SCN9A: variants seen among roughly 807,000 people sequenced by gnomAD.
SCN9A encodes the protein sodium voltage-gated channel alpha subunit 9.
SCN9A carries 131 observed loss-of-function variants against 187.0 expected under a neutral mutation model. That is an observed-to-expected ratio of 0.70 (90% CI 0.61 to 0.81). The LOEUF (loss-of-function observed/expected upper bound fraction) is 0.81, where lower values mean the gene tolerates loss of function less well. Ranked by LOEUF, SCN9A falls within the 30% of genes least tolerant of loss-of-function variation. SCN9A has a pLI of 0.00. For synonymous variants in SCN9A, 809 were observed against 808.6 expected (o/e 1.00, Z -0.01); for missense variants, 2,252 against 2,396.6 (o/e 0.94, Z 1.26).
intron 1 of SCN9A, among the ~76,000 whole-genome samples, chr2:166,369,892 A>G (rs1700506691): frequency 6.6e-6 from 1 of 152,012 alleles, no homozygotes; most frequent in Non-Finnish European, 1.5e-5. Flanking sequence ...GCTGATCTAG[A>G]ACTCCTGGAT....
Position 166,276,996 on chromosome 2 carries a change from A to G in SCN9A, c.2861T>C (p.Ile954Thr), listed in dbSNP as rs982760902. The G allele has an allele frequency of 1.9e-6, 3 of 1,612,556 alleles. No homozygotes were observed. Among genetic ancestry groups the G allele is most frequent in the African/African-American group, 1.3e-5 (1 of 74,876 alleles). Residue 954 changes from isoleucine (I) to threonine (T), a missense_variant, in exon 16 of 27, where the codon ATT becomes ACT. Around this residue, in one of 7 missense-constraint regions of SCN9A, gnomAD observed 119 missense variants for 188.7 expected, o/e 0.63. Coordinates refer to ENST00000642356, the MANE Select transcript of SCN9A (RefSeq NM_001365536.1). ...CLIVYMMVMV[I>T]GNLVVLNLFL... is the part of the protein sequence containing the mutation. Reference sequence around the variant, plus strand: ...CTGGTTACATACCACCAGGTTTCCAATGACCATGACCATCATGTAAACAAT... The same window carrying G: ...CTGGTTACATACCACCAGGTTTCCAGTGACCATGACCATCATGTAAACAAT...
intron 1 of SCN9A, among the ~76,000 whole-genome samples, chr2:166,336,660 A>G (rs1287640432): frequency 3.3e-5 from 5 of 152,058 alleles, no homozygotes; most frequent in African/African-American, 1.2e-4. Context: ...TACACTGTAA[A>G]CGGCCTGAGA....
At chr2:166,267,841 G>C (rs192425322) in intron 17 of SCN9A, among the ~76,000 whole-genome samples, 1 of 152,012 alleles carries the variant, frequency 6.6e-6, no homozygotes, top group Non-Finnish European at 1.5e-5. Flanking sequence ...CCAATTTGTT[G>C]GAGTATGATT....
chr2:166,332,613 C>T (rs1018966640), intron 1 of SCN9A, among the ~76,000 whole-genome samples: 1 of 152,010 alleles, frequency 6.6e-6, no homozygotes, highest in South Asian at 2.1e-4. Context: ...CAATATTGTT[C>T]CTATCATATT....
intron 1 of SCN9A, among the ~76,000 whole-genome samples, chr2:166,363,253 C>T (rs1019754251): frequency 1.3e-5 from 2 of 151,854 alleles, no homozygotes; most frequent in African/African-American, 4.8e-5. Context: ...TCTACTTGAC[C>T]GTTGAGAAAA....
chr2:166,240,676 C>T (rs995974839), intron 19 of SCN9A, among the ~76,000 whole-genome samples: 1 of 152,200 alleles, frequency 6.6e-6, no homozygotes, highest in Non-Finnish European at 1.5e-5. Flanking sequence ...CTTTTCTGAT[C>T]ACATTTTCTG....
chr2:166,229,070 G>T (rs1694973242), intron 21 of SCN9A, 98 bp from the exon 22 acceptor site: 1 of 993,668 alleles, frequency 1.0e-6, no homozygotes, highest in Non-Finnish European at 1.5e-6. Context: ...AATTAGAAAA[G>T]CCGCCCTTAA....
intron 1 of SCN9A, among the ~76,000 whole-genome samples, chr2:166,352,937 G>A (rs889081889): frequency 6.6e-6 from 1 of 151,192 alleles, no homozygotes; most frequent in Non-Finnish European, 1.5e-5. Flanking sequence ...GTTTGAAGTT[G>A]TTCAAATAAT....
intron 1 of SCN9A, among the ~76,000 whole-genome samples, chr2:166,346,092 C>T (rs989379872): frequency 2.0e-5 from 3 of 152,076 alleles, no homozygotes; most frequent in African/African-American, 2.4e-5. Flanking sequence ...TTTGAGTAAC[C>T]TGTGCTGCTG....
At chr2:166,247,518 T>C (rs1426660638) in intron 18 of SCN9A, among the ~76,000 whole-genome samples, 2 of 152,042 alleles carry the variant, frequency 1.3e-5, no homozygotes, top group South Asian at 2.1e-4. Flanking sequence ...ATTACTATTA[T>C]TACCATTATT....
intron 12 of SCN9A, 74 bp from the exon 13 acceptor site, chr2:166,281,882 A>T: frequency 1.5e-6 from 2 of 1,335,776 alleles, no homozygotes; most frequent in Non-Finnish European, 2.0e-6. Flanking sequence ...AATCTTGCTT[A>T]TATAGCTGTA....
intron 5 of SCN9A, among the ~76,000 whole-genome samples, chr2:166,304,742 A>G (rs1437947110): frequency 6.6e-6 from 1 of 152,148 alleles, no homozygotes; most frequent in Non-Finnish European, 1.5e-5. Context: ...AACATAGATG[A>G]GTGGTTTCCA....
At chr2:166,298,920 CA>C (rs1698434177) in intron 7 of SCN9A, 5 of 152,218 alleles carry the variant, frequency 3.3e-5, no homozygotes, top group Admixed American at 2.0e-4. Context: ...ATATATAATG[CA>C]TTCTCATCAA....
intron 1 of SCN9A, among the ~76,000 whole-genome samples, chr2:166,362,656 A>G (rs1048216347): frequency 6.6e-6 from 1 of 151,980 alleles, no homozygotes; most frequent in Non-Finnish European, 1.5e-5. Flanking sequence ...TGTTTTGCCT[A>G]AACATTTGCT....
At position 166,238,122 on chromosome 2, in the gene SCN9A, C is replaced by T. The variant is rs1695401892; in HGVS notation, c.3773G>A (p.Trp1258Ter). ...YGYKTYFTNA[W>*]CWLDFLIVDV... Reference sequence around the variant, plus strand: ...AACAATTAGGAAATCCAGCCAACACCAGGCATTGGTGAAATATGTTTTATA... The same window carrying T: ...AACAATTAGGAAATCCAGCCAACACTAGGCATTGGTGAAATATGTTTTATA... Residue 1258 changes from tryptophan (W) to a stop codon, truncating the protein, a stop_gained, in exon 20 of 27, where the codon TGG becomes TAG. Coordinates refer to ENST00000642356, the MANE Select transcript of SCN9A (RefSeq NM_001365536.1). LOFTEE classifies it high-confidence loss of function. 1 of 1,611,260 alleles carries T rather than the reference C, an allele frequency of 6.2e-7. No individual in the cohort carries two copies. Among genetic ancestry groups the T allele is most frequent in the African/African-American group, 1.3e-5 (1 of 74,832 alleles).
rs1693223740 is a variant in SCN9A at position 166,195,607 on chromosome 2, A to G, written c.*3065T>C. Reference sequence around the variant, plus strand: ...CACTCTTTTTAATAAAGCTATCAAAACTCTATAAAATCATGCTAAGTATTT... The same window carrying G: ...CACTCTTTTTAATAAAGCTATCAAAGCTCTATAAAATCATGCTAAGTATTT... On this transcript the variant is annotated 3_prime_UTR_variant, in exon 27 of 27. Transcript: ENST00000642356. The G allele has an allele frequency of 6.6e-6, 1 of 152,148 alleles. No individual in the cohort carries two copies. Among genetic ancestry groups the G allele is most frequent in the African/African-American group, 2.4e-5 (1 of 41,426 alleles). The allele number at this position is 152,148 out of a possible 1,614,324, so 9.4% of individuals were successfully genotyped here. A position where few individuals can be genotyped will look rare whatever the true frequency, so the allele number is the denominator to read the frequency against.
At position 166,204,527 on chromosome 2, in the gene SCN9A, A is replaced by G. The variant is rs1027484721; in HGVS notation, c.4399-63T>C. The G allele has an allele frequency of 6.0e-6, 6 of 998,122 alleles. No individual in the cohort carries two copies. The African/African-American group carries it at 9.8e-5, about 16-fold the overall frequency. The allele number at this position is 998,122 out of a possible 1,614,324, so 61.8% of individuals were successfully genotyped here. The stretch of plus-strand genomic sequence containing the variant: ...AGAATCATTGTCTACATCTTTCTAT[A>G]GATTACTAAAATAGGTTAAAATGTG... On this transcript the variant is annotated intron_variant, in intron 24 of 26. Coordinates refer to ENST00000642356, the MANE Select transcript of SCN9A (RefSeq NM_001365536.1).
At chr2:166,328,564 T>C (rs1247986214) in intron 1 of SCN9A, among the ~76,000 whole-genome samples, 2 of 152,286 alleles carry the variant, frequency 1.3e-5, no homozygotes, top group South Asian at 2.1e-4. Context: ...AAAACTTCTT[T>C]TTCTGAAAAC....
In SCN9A at chr2:166,306,316, C is replaced by G. The variant is rs150371036; in HGVS notation, c.467+194G>C. 2.3e-3 allele frequency among the ~76,000 whole-genome samples: 347 copies of G among 152,138 alleles called. 2 individuals are homozygous for G. Among genetic ancestry groups the G allele is most frequent in the African/African-American group, 7.7e-3 (318 of 41,532 alleles). The stretch of plus-strand genomic sequence containing the variant: ...CTGACAAGTTCATTCTTTGAGAAAA[C>G]ACTGTAGCATCTAATTTTTCTAATC... On this transcript the variant is annotated intron_variant, in intron 4 of 26. Coordinates refer to ENST00000642356, the MANE Select transcript of SCN9A (RefSeq NM_001365536.1).
Sources: gnomAD v4.1 joint callset for allele counts (sites outside exome capture counted in the v4.1 genomes callset) on GRCh38, gnomAD v4.1.1 for gene constraint, gnomAD v4.1.1 regional missense constraint, MANE v1.5 for transcripts, NCBI Gene and HGNC (gene_info 2026-07-23, HGNC 2026-07-21) for gene names.